Variants in LY96 observed in about 807,000 individuals in gnomAD.
The protein encoded by LY96 is myeloid differentiation protein-2.
In LY96, 18 loss-of-function variants were observed where a neutral mutation model predicts 18.9. The ratio of observed to expected loss-of-function variants is 0.95; its 90% CI spans 0.66 to 1.41. The LOEUF (loss-of-function observed/expected upper bound fraction) is 1.41. Among genes scored for constraint, LY96 ranks in the 40% most tolerant of loss-of-function variants. The pLI, the probability that LY96 is intolerant of heterozygous loss-of-function variation, is 0.00. For synonymous variants in LY96, 66 were observed against 62.6 expected (o/e 1.06, Z -0.26); for missense variants, 175 against 182.4 (o/e 0.96, Z 0.23).
chr8:73,996,372 C>CATTCATTCCTTT (rs756373007), intron 1 of LY96, among the ~76,000 whole-genome samples: 1 of 110,910 alleles, frequency 9.0e-6, no homozygotes, highest in African/African-American at 3.5e-5. Context: ...TTCCTTCATT[C>CATTCATTCCTTT]CTTTCTTTCT....
At chr8:74,013,588 ATTTTTAAATTTT>A (rs1816576596) in intron 3 of LY96, among the ~76,000 whole-genome samples, 1 of 151,956 alleles carries the variant, frequency 6.6e-6, no homozygotes, top group South Asian at 2.1e-4. Flanking sequence ...GCTCCTGGAC[ATTTTTAAATTTT>A]TTGTAGAGAC....
chr8:74,025,146 CT>C (rs1816844150), intron 3 of LY96, among the ~76,000 whole-genome samples: 1 of 152,164 alleles, frequency 6.6e-6, no homozygotes, highest in South Asian at 2.1e-4. Context: ...TCTTAAATAT[CT>C]ATATCTCCAA....
At chr8:74,059,104 C>T in the LY96 span, among the ~76,000 whole-genome samples, 1 of 152,184 alleles carries the variant, frequency 6.6e-6, no homozygotes, top group Non-Finnish European at 1.5e-5. Flanking sequence ...TCCACCAATT[C>T]GAGTACTAAC....
chr8:74,068,083 A>T, the LY96 span, among the ~76,000 whole-genome samples: 1,323 of 95,690 alleles, frequency 0.014, 117 homozygotes, highest in African/African-American at 0.087. Context: ...AAAAAAAAAA[A>T]AAAAAAATAT....
At chr8:74,094,060 G>T in the LY96 span, among the ~76,000 whole-genome samples, 1 of 152,054 alleles carries the variant, frequency 6.6e-6, no homozygotes, top group Non-Finnish European at 1.5e-5. Flanking sequence ...ACAGTTTGGG[G>T]AGTAGTCCAT....
At chr8:73,993,059 C>T (rs1384745145) in intron 1 of LY96, among the ~76,000 whole-genome samples, 2 of 149,898 alleles carry the variant, frequency 1.3e-5, no homozygotes, top group African/African-American at 2.5e-5. Context: ...GACAGGGTTT[C>T]ATCATGTTGA....
At chr8:73,991,614 C>G in intron 1 of LY96, 60 bp downstream of exon 1, 1 of 979,802 alleles carries the variant, frequency 1.0e-6, no homozygotes, top group Non-Finnish European at 1.6e-6. Flanking sequence ...TAAGTTTTCA[C>G]GAGAACCGTA....
At chr8:74,042,410 A>C in the LY96 span, among the ~76,000 whole-genome samples, 1 of 151,930 alleles carries the variant, frequency 6.6e-6, no homozygotes, top group Non-Finnish European at 1.5e-5. Context: ...AGTCTCAGCT[A>C]CTTGGGAGGC....
chr8:74,002,070 CCTTCCTTT>C (rs1365599329), intron 1 of LY96, among the ~76,000 whole-genome samples: 12 of 18,462 alleles, frequency 6.5e-4, no homozygotes, highest in African/African-American at 1.1e-3. Context: ...TTCCTTCCTT[CCTTCCTTT>C]CTTTCTTTCT....
intron 4 of LY96, 33 bp downstream of exon 4, chr8:74,026,874 C>T (rs1816882633): frequency 1.9e-6 from 2 of 1,067,814 alleles, no homozygotes; most frequent in Admixed American, 1.7e-5. Flanking sequence ...TACTGTCTAA[C>T]CTTTAGCAGT....
the LY96 span, among the ~76,000 whole-genome samples, chr8:74,061,533 GA>G: frequency 6.6e-6 from 1 of 152,216 alleles, no homozygotes; most frequent in East Asian, 1.9e-4. Flanking sequence ...TAGACAGCAG[GA>G]ATAAGTGTGT....
chr8:74,017,163 T>A (rs1285210308), intron 3 of LY96, among the ~76,000 whole-genome samples: 2 of 152,168 alleles, frequency 1.3e-5, no homozygotes, highest in Admixed American at 1.3e-4. Flanking sequence ...GAAAAAGGAT[T>A]GGATGAATGG....
chr8:74,023,344 C>G (rs78055785), intron 3 of LY96, among the ~76,000 whole-genome samples: 1 of 152,150 alleles, frequency 6.6e-6, no homozygotes, highest in Non-Finnish European at 1.5e-5. Flanking sequence ...CAGCAGCTGA[C>G]TAGTTGGGCA....
the LY96 span, among the ~76,000 whole-genome samples, chr8:74,086,745 G>A: frequency 2.0e-5 from 3 of 152,220 alleles, no homozygotes; most frequent in African/African-American, 7.2e-5. Context: ...GCCCTTGGGA[G>A]GCACAGCCCT....
At chr8:74,027,387 C>A (rs2131286278) in intron 4 of LY96, among the ~76,000 whole-genome samples, 1 of 150,868 alleles carries the variant, frequency 6.6e-6, no homozygotes, top group Non-Finnish European at 1.5e-5. Flanking sequence ...CTCACTGCAA[C>A]TTCCGCCTCC....
chr8:74,035,025 A>C, the LY96 span, among the ~76,000 whole-genome samples: 2 of 152,224 alleles, frequency 1.3e-5, no homozygotes, highest in Non-Finnish European at 2.9e-5. Flanking sequence ...CCTGGGTACA[A>C]AACTCCCAGT....
chr8:73,992,836 CTGTGTGTGTG>C (rs34327741), intron 1 of LY96, among the ~76,000 whole-genome samples: 57 of 141,764 alleles, frequency 4.0e-4, no homozygotes, highest in South Asian at 9.2e-4. Flanking sequence ...AATTATGCCA[CTGTGTGTGTG>C]TGTGTGTGTG....
At chr8:74,042,969 G>A in the LY96 span, among the ~76,000 whole-genome samples, 1 of 151,982 alleles carries the variant, frequency 6.6e-6, no homozygotes, top group African/African-American at 2.4e-5. Context: ...GTAGAGACGG[G>A]GTTCCCCATG....
chr8:74,009,879 G>C lies in LY96; in HGVS notation c.203-122G>C, dbSNP rs568170186. 6 of 728,632 alleles carry C rather than the reference G, an allele frequency of 8.2e-6. No homozygotes were observed. The Admixed American group carries it at 1.1e-4, about 14-fold the overall frequency. The allele number at this position is 728,632 out of a possible 1,614,324, so 45.1% of individuals were successfully genotyped here. On this transcript the variant is annotated intron_variant, in intron 2 of 4. Coordinates refer to ENST00000284818, the MANE Select transcript of LY96 (RefSeq NM_015364.5). The stretch of plus-strand genomic sequence containing the variant: ...TAATTGACATCTTGTAGATAGTTGT[G>C]ATGATTAAATGAAATAATGTAAGAA...
Sources: allele counts gnomAD v4.1 joint callset (sites outside exome capture counted in the v4.1 genomes callset), GRCh38; gene constraint gnomAD v4.1.1; transcripts MANE v1.5; gene names NCBI Gene and HGNC (gene_info 2026-07-23, HGNC 2026-07-21).